Variants in PLXNB3 observed in about 807,000 individuals in gnomAD.
The protein encoded by PLXNB3 is plexin-B3.
PLXNB3 carries 80 observed loss-of-function variants against 125.7 expected under a neutral mutation model. That is an observed-to-expected ratio of 0.64 (90% CI 0.53 to 0.77). The LOEUF (loss-of-function observed/expected upper bound fraction) is 0.77. Among genes scored for constraint, PLXNB3 ranks in the 30% least tolerant of loss-of-function variants. The pLI is 0.00. For missense variants in PLXNB3, 1,836 were observed against 1,729.3 expected (o/e 1.06, Z -1.09); for synonymous variants, 954 against 783.3 (o/e 1.22, Z -3.64).
At position 153,771,899 on chromosome X, in the gene PLXNB3, G is replaced by A. The variant is rs782160164; in HGVS notation, c.2553G>A (p.Leu851=). Residue 851 remains leucine (L), a synonymous_variant, in exon 15 of 36, where the codon TTG becomes TTA. Transcript: ENST00000361971. ...EPLTGPPEGG[L]ALTILGSNLG... is the part of the protein sequence containing the mutation. ...TGACCGGTCCCCCTGAGGGAGGCTT[G>A]GCCCTCACCATCCTGGGCTCCAACC... The A allele has an allele frequency of 2.8e-5, 34 of 1,208,392 alleles. No homozygotes were observed. The highest frequency in any genetic ancestry group is 2.3e-4 in the Middle Eastern group (1 of 4,340).
intron 2 of PLXNB3, chrX:153,766,231 T>C: frequency 8.6e-7 from 1 of 1,164,845 alleles, no homozygotes; most frequent in South Asian, 1.9e-5. Flanking sequence ...CCCCTGCCTC[T>C]TCGCTGACTT....
chrX:153,775,746 C>G, intron 26 of PLXNB3, 86 bp downstream of exon 26: 1 of 1,088,055 alleles, frequency 9.2e-7, no homozygotes, highest in Non-Finnish European at 1.3e-6. Flanking sequence ...CTGCGCCCTA[C>G]GTGACGAAGG....
At chrX:153,771,781 C>T in intron 14 of PLXNB3, 83 bp from the exon 15 acceptor site, 3 of 1,145,581 alleles carry the variant, frequency 2.6e-6, no homozygotes, top group Non-Finnish European at 3.5e-6. Context: ...CCTGGCTGGG[C>T]TGGTTGGCTG....
rs2092019748 is a variant in PLXNB3 at position 153,778,399 on chromosome X, C to T, written c.5478C>T (p.Tyr1826=). 1 of 1,211,543 alleles carries T rather than the reference C, an allele frequency of 8.3e-7. No homozygotes were observed. Among genetic ancestry groups the T allele is most frequent in the African/African-American group, 1.7e-5 (1 of 57,930 alleles). The part of the protein sequence containing the change: ...IPRYKQMVER[Y]YADIRQSSPA... ...CTAACGAAGTCTGCTCCTCCAGGTACTATGCGGACATTCGCCAGAGCTCTC... is the reference window on the plus strand; with the variant it reads ...CTAACGAAGTCTGCTCCTCCAGGTATTATGCGGACATTCGCCAGAGCTCTC... The change falls in exon 34 of 36, where the codon TAC becomes TAT. Residue 1826 remains tyrosine (Y), a synonymous_variant. Coordinates refer to ENST00000361971, the MANE Select transcript of PLXNB3 (RefSeq NM_005393.3).
rs1557061944 is a variant in PLXNB3, at chrX:153,771,654, C to T, written c.2516C>T (p.Ala839Val). Reference protein sequence around the residue: ...ELLCPAPSIDAVEPLTGPPEG... With the variant: ...ELLCPAPSIDVVEPLTGPPEG... ...CTGTGTCCTGCGCCCAGCATTGATG[C>T]AGTGAGTCTCCTGCCGGGCCCCCAC... is the stretch of plus-strand genomic sequence containing the variant. Residue 839 changes from alanine to valine, a missense_variant and splice_region_variant, in exon 14 of 36, where the codon GCA (alanine) becomes GTA (valine). Transcript: ENST00000361971. The T allele has an allele frequency of 3.4e-6, 4 of 1,180,415 alleles. No individual in the cohort carries two copies. Among genetic ancestry groups the T allele is most frequent in the South Asian group, 1.9e-5 (1 of 52,636 alleles).
rs1429819206 is a variant in PLXNB3 at position 153,777,239 on chromosome X, G to T, written c.4959G>T (p.Gly1653=). The T allele has an allele frequency of 3.4e-6, 4 of 1,174,255 alleles. No homozygotes were observed. The highest frequency in any genetic ancestry group is 3.5e-5 in the African/African-American group (2 of 56,849). ...NIPTLEDGEE[G]GVCLWHLVKA... is the part of the protein sequence containing the mutation. The stretch of plus-strand genomic sequence containing the variant: ...CCACGCTGGAGGATGGCGAGGAGGG[G>T]GGGGTGTGCCTCTGGCACCTGGTGA... Residue 1653 remains glycine (G), a synonymous_variant, in exon 30 of 36, where the codon GGG becomes GGT. Coordinates refer to ENST00000361971, the MANE Select transcript of PLXNB3 (RefSeq NM_005393.3).
rs2091965017 is a variant in PLXNB3 at position 153,774,475 on chromosome X, C to T, written c.3734C>T (p.Pro1245Leu). 8.3e-7 allele frequency: 1 copy of T among 1,205,823 alleles called. No homozygotes were observed. The highest frequency in any genetic ancestry group is 2.2e-5 in the Admixed American group (1 of 45,602). The change falls in exon 22 of 36, where the codon CCC becomes CTC. Residue 1245 changes from proline to leucine, a missense_variant. Pro to Leu is a moderately conservative substitution (Grantham distance 98, BLOSUM62 -3). Transcript: ENST00000361971. ...ALGPVQYEAE[P>L]PLSAFPVEAQ... ...GGCCCTGTGCAGTACGAGGCTGAACCCCCGCTGTCTGCCTTTCCCGTGGAG... is the reference window on the plus strand; with the variant it reads ...GGCCCTGTGCAGTACGAGGCTGAACTCCCGCTGTCTGCCTTTCCCGTGGAG...
chrX:153,766,959 C>T lies in PLXNB3; in HGVS notation c.132C>T (p.Ala44=). Residue 44 remains alanine (A), a synonymous_variant, in exon 3 of 36, where the codon GCC becomes GCT. Coordinates refer to ENST00000361971, the MANE Select transcript of PLXNB3 (RefSeq NM_005393.3). ...LSPPPLPLTG[A]HRFSAPNTTL... ...CACCGCCACTGCCCTTGACAGGGGCCCATCGCTTCTCCGCACCTAATACCA... is the reference window on the plus strand; with the variant it reads ...CACCGCCACTGCCCTTGACAGGGGCTCATCGCTTCTCCGCACCTAATACCA... The T allele has an allele frequency of 8.3e-7, 1 of 1,210,687 alleles. No homozygotes were observed. The highest frequency in any genetic ancestry group is 1.1e-6 in the Non-Finnish European group (1 of 895,364).
intron 27 of PLXNB3, 22 bp downstream of exon 27, chrX:153,776,236 A>AC: frequency 3.1e-6 from 2 of 645,850 alleles, no homozygotes; most frequent in Admixed American, 3.8e-5. Context: ...AGCCCTGCCC[A>AC]CCCACCCCAG....
chrX:153,768,787 C>T (rs959859427), intron 4 of PLXNB3, among the ~76,000 whole-genome samples, 161 bp from the exon 5 acceptor site: 32 of 112,392 alleles, frequency 2.8e-4, no homozygotes, highest in Non-Finnish European at 9.4e-5. Context: ...GTGTCCTAGG[C>T]CTGAGGGTGC....
chrX:153,772,726 T>A, intron 16 of PLXNB3, 160 bp from the exon 17 acceptor site: 1 of 1,034,746 alleles, frequency 9.7e-7, no homozygotes, highest in Non-Finnish European at 1.2e-6. Context: ...CTGGCCAGTG[T>A]GCAGTGGCCT....
chrX:153,774,478 C>G lies in PLXNB3; in HGVS notation c.3737C>G (p.Pro1246Arg). 1.7e-6 allele frequency: 2 copies of G among 1,204,566 alleles called. No homozygotes were observed. Among genetic ancestry groups the G allele is most frequent in the Non-Finnish European group, 2.2e-6 (2 of 892,466 alleles). ...CCTGTGCAGTACGAGGCTGAACCCC[C>G]GCTGTCTGCCTTTCCCGTGGAGGCC... Reference protein sequence around the residue: ...LGPVQYEAEPPLSAFPVEAQA... With the variant: ...LGPVQYEAEPRLSAFPVEAQA... Residue 1246 changes from proline (P) to arginine (R), a missense_variant, in exon 22 of 36, where the codon CCG (proline) becomes CGG (arginine). Physicochemically the swap from Pro to Arg is moderately radical, Grantham distance 103. Coordinates refer to ENST00000361971, the MANE Select transcript of PLXNB3 (RefSeq NM_005393.3).
intron 16 of PLXNB3, chrX:153,772,581 T>G: frequency 3.1e-6 from 2 of 650,448 alleles, no homozygotes; most frequent in Non-Finnish European, 4.2e-6. Flanking sequence ...CAACTGGATT[T>G]GAGAGTTTAG....
chrX:153,766,610 T>A (rs1454329471), intron 2 of PLXNB3: 2 of 1,058,476 alleles, frequency 1.9e-6, no homozygotes, highest in African/African-American at 1.9e-5. Flanking sequence ...ATTCTGTCCT[T>A]GTGTGCTTGT....
chrX:153,768,899 G>A (rs782142604), intron 4 of PLXNB3, 49 bp from the exon 5 acceptor site: 1 of 1,184,413 alleles, frequency 8.4e-7, no homozygotes, highest in Admixed American at 2.3e-5. Context: ...CCCTGGAACA[G>A]GCAACCTTTG....
rs372269937 is a variant in PLXNB3, at chrX:153,766,918, C to T, written c.91C>T (p.Leu31=). 1.7e-6 allele frequency: 2 copies of T among 1,205,625 alleles called. No individual in the cohort carries two copies. The highest frequency in any genetic ancestry group is 2.2e-5 in the Admixed American group (1 of 45,775). ...RWPPFGLCLL[L]LLLSPPPLPL... is the part of the protein sequence containing the mutation. ...GCCTCCCTTCGGCCTCTGCCTCCTC[C>T]TGCTGCTGCTGTCCCCACCGCCACT... Residue 31 remains leucine (L), a synonymous_variant, in exon 3 of 36, where the codon CTG becomes TTG. Coordinates refer to ENST00000361971, the MANE Select transcript of PLXNB3 (RefSeq NM_005393.3).
Position 153,774,774 on chromosome X carries a change from G to C in PLXNB3, c.3899G>C (p.Gly1300Ala), listed in dbSNP as rs2091968537. Residue 1300 changes from glycine (G) to alanine (A), a missense_variant, in exon 23 of 36, where the codon GGC becomes GCC. Gly to Ala is a moderately conservative substitution (Grantham distance 60). Coordinates refer to ENST00000361971, the MANE Select transcript of PLXNB3 (RefSeq NM_005393.3). ...VLVQLESLET[G>A]VGDQCRKEFT... ...GTGCAGCTGGAGAGCCTGGAGACCG[G>C]CGTGGGAGACCAGTGCCGCAAGGAG... 3.3e-6 allele frequency: 4 copies of C among 1,204,318 alleles called. No individual in the cohort carries two copies. The highest frequency in any genetic ancestry group is 4.5e-6 in the Non-Finnish European group (4 of 892,049).
chrX:153,778,441 G>A lies in PLXNB3; in HGVS notation c.5520G>A (p.Glu1840=), dbSNP rs144872102. 1,387 of 1,209,832 alleles carry A rather than the reference G, an allele frequency of 1.1e-3. 2 individuals are homozygous for A. The highest frequency in any genetic ancestry group is 1.2e-3 in the Non-Finnish European group (1,118 of 895,048). Residue 1840 remains glutamate (E), a synonymous_variant, in exon 34 of 36, where the codon GAG becomes GAA. Coordinates refer to ENST00000361971, the MANE Select transcript of PLXNB3 (RefSeq NM_005393.3). ...IRQSSPASYQ[E]MNSALAELSG... The stretch of plus-strand genomic sequence containing the variant: ...AGAGCTCTCCGGCGAGCTACCAGGA[G>A]ATGAACTCTGCTTTGGCTGAGCTCT...
In PLXNB3 at chrX:153,774,927, G is replaced by C. The variant is rs781827931; in HGVS notation, c.3979G>C (p.Gly1327Arg). ...CCTCAGCAGCGACCTGGAGGGCAGC[G>C]GGATCCCCTTCCTGGACTACCGCAC... ...TDLSSDLEGS[G>R]IPFLDYRTYA... The change falls in exon 24 of 36, where the codon GGG becomes CGG. Residue 1327 changes from glycine (G) to arginine (R), a missense_variant. Transcript: ENST00000361971. The C allele has an allele frequency of 8.4e-6, 10 of 1,189,539 alleles. No individual in the cohort carries two copies. Among genetic ancestry groups the C allele is most frequent in the African/African-American group, 1.7e-5 (1 of 57,307 alleles).
Sources: allele counts gnomAD v4.1 joint callset (sites outside exome capture counted in the v4.1 genomes callset), GRCh38; gene constraint gnomAD v4.1.1; transcripts MANE v1.5; gene names NCBI Gene and HGNC (gene_info 2026-07-23, HGNC 2026-07-21).